Variants in KCNQ1 observed in about 807,000 individuals in gnomAD.
The protein encoded by KCNQ1 is potassium voltage-gated channel subfamily Q member 1, also known as potassium voltage-gated channel subfamily KQT member 1.
A neutral mutation model predicts 72.4 loss-of-function variants in KCNQ1; 49 were observed. The observed-to-expected ratio is 0.68, with a 90% CI of 0.54 to 0.86. KCNQ1 has a LOEUF of 0.86. Among genes scored for constraint, KCNQ1 ranks in the 40% least tolerant of loss-of-function variants. The probability of loss-of-function intolerance (pLI) is 0.00; values close to 1 mark genes in which losing one functional copy is unlikely to be tolerated. For synonymous variants in KCNQ1, 450 were observed against 412.6 expected, an observed-to-expected ratio of 1.09 and a Z score of -1.10; for missense variants, 790 against 945.1, an observed-to-expected ratio of 0.84 and a Z score of 2.15.
rs1030914953 is a variant in KCNQ1, at chr11:2,492,899, T to C, written c.387-35029T>C. On this transcript the variant is annotated intron_variant, in intron 1 of 15. Coordinates refer to ENST00000155840, the MANE Select transcript of KCNQ1 (RefSeq NM_000218.3). This position sits in a 1 kb window ranked among gnomAD's most constrained non-coding sequence, Gnocchi z 4.1. ...TGGGATTGCTGGGTCAAATGGTATTTCTAGTTCTAGAATCTAGTTCTAGAA... is the reference window on the plus strand; with the variant it reads ...TGGGATTGCTGGGTCAAATGGTATTCCTAGTTCTAGAATCTAGTTCTAGAA... 1.3e-5 allele frequency among the ~76,000 whole-genome samples: 2 copies of C among 152,204 alleles called. No homozygotes were observed. The highest frequency in any genetic ancestry group is 6.5e-5 in the Admixed American group (1 of 15,282).
rs1851033545 is a variant in KCNQ1 at position 2,713,159 on chromosome 11, G to A, written c.1514+51078G>A. 6.6e-6 allele frequency among the ~76,000 whole-genome samples: 1 copy of A among 152,276 alleles called. No homozygotes were observed. Among genetic ancestry groups the A allele is most frequent in the South Asian group, 2.1e-4 (1 of 4,824 alleles). On this transcript the variant is annotated intron_variant, in intron 11 of 15. Transcript: ENST00000155840. This position sits in a 1 kb window ranked among gnomAD's most constrained non-coding sequence, Gnocchi z 5.6. ...AAATGAGATCCCGGAGAGGGGCCAG[G>A]ACCATGCCTGGGATGTGGCTTCCGT...
At position 2,562,194 on chromosome 11, in the gene KCNQ1, G is replaced by A. The variant is rs1485977950; in HGVS notation, c.478-8434G>A. 1.3e-5 allele frequency among the ~76,000 whole-genome samples: 2 copies of A among 151,896 alleles called. No homozygotes were observed. The highest frequency in any genetic ancestry group is 1.3e-4 in the Admixed American group (2 of 15,272). On this transcript the variant is annotated intron_variant, in intron 2 of 15. Coordinates refer to ENST00000155840, the MANE Select transcript of KCNQ1 (RefSeq NM_000218.3). This position sits in a 1 kb window ranked among gnomAD's most constrained non-coding sequence, Gnocchi z 7.5. ...GGCCAGGCTACCTTGGGCGGGGTGG[G>A]GACTGGTACTCCCCGGGGGGTGGGG... is the stretch of plus-strand genomic sequence containing the variant.
rs568085407 is a variant in KCNQ1, at chr11:2,837,805, G to A, written c.1795-9962G>A. On this transcript the variant is annotated intron_variant, in intron 15 of 15. Coordinates refer to ENST00000155840, the MANE Select transcript of KCNQ1 (RefSeq NM_000218.3). ...CCTGAGGTAGGAACCAGAGGAAACC[G>A]GCTCTGGGGCGAGAAGGGCGGCGCC... 1.1e-3 allele frequency among the ~76,000 whole-genome samples: 172 copies of A among 152,358 alleles called. 1 individual carries two copies. The highest frequency in any genetic ancestry group is 2.1e-3 in the Admixed American group (32 of 15,312).
At chr11:2,660,590 G>C (rs1849933951) in intron 10 of KCNQ1, 1 of 398,492 alleles carries the variant, frequency 2.5e-6, no homozygotes. Flanking sequence ...AATTCTGCAA[G>C]AGGAAACCCA....
At chr11:2,519,620 A>AAAAAC (rs143712174) in intron 1 of KCNQ1, among the ~76,000 whole-genome samples, 2 of 150,756 alleles carry the variant, frequency 1.3e-5, no homozygotes, top group African/African-American at 4.9e-5. Context: ...ACTCTGTCTC[A>AAAAAC]AAAACAAAAC....
chr11:2,528,686 C>T (rs1393507151), intron 2 of KCNQ1, among the ~76,000 whole-genome samples: 2 of 152,242 alleles, frequency 1.3e-5, no homozygotes, highest in Non-Finnish European at 1.5e-5. Flanking sequence ...CTGGGTCTAG[C>T]ACCTCTCCGT....
intron 10 of KCNQ1, chr11:2,630,798 T>C: frequency 1.0e-5 from 4 of 398,498 alleles, no homozygotes; most frequent in Non-Finnish European, 1.3e-5. Context: ...AACTTTTGTT[T>C]ACCTGAGGAA....
Position 2,652,880 on chromosome 11 carries a change from T to C in KCNQ1, c.1394-9081T>C. The C allele has an allele frequency of 2.5e-6, 1 of 398,624 alleles. No individual in the cohort carries two copies. The highest frequency in any genetic ancestry group is 4.4e-6 in the Non-Finnish European group (1 of 226,106). The allele number at this position is 398,624 out of a possible 1,614,324, so 24.7% of individuals were successfully genotyped here. ...TATACTTATTCTAAGGAGAAGTGTT[T>C]GGGGTGTGGGGTGTGGTCCTCAGTA... is the stretch of plus-strand genomic sequence containing the variant. On this transcript the variant is annotated intron_variant, in intron 10 of 15. Transcript: ENST00000155840. This position sits in a 1 kb window ranked among gnomAD's most constrained non-coding sequence, Gnocchi z 5.9.
chr11:2,585,381 C>G (rs1487522323), intron 8 of KCNQ1, 74 bp downstream of exon 8: 1 of 1,310,988 alleles, frequency 7.6e-7, no homozygotes, highest in African/African-American at 1.4e-5. Context: ...TCACGGCCAC[C>G]TGTCAGAACC....
rs1000383824 is a variant in KCNQ1, at chr11:2,624,987, A to G, written c.1393+36133A>G. 2.5e-6 allele frequency: 1 copy of G among 398,524 alleles called. No homozygotes were observed. Among genetic ancestry groups the G allele is most frequent in the Non-Finnish European group, 4.4e-6 (1 of 226,048 alleles). The allele number at this position is 398,524 out of a possible 1,614,324, so 24.7% of individuals were successfully genotyped here. A position where few individuals can be genotyped will look rare whatever the true frequency, so the allele number is the denominator to read the frequency against. On this transcript the variant is annotated intron_variant, in intron 10 of 15. Transcript: ENST00000155840. This position sits in a 1 kb window ranked among gnomAD's most constrained non-coding sequence, Gnocchi z 4.9. ...CCACATTTTGCTTATCCATTCTTCC[A>G]TGGACATTTGGGTTGCATTGATGTT...
At position 2,682,784 on chromosome 11, in the gene KCNQ1, G is replaced by T; in HGVS notation, c.1514+20703G>T. On this transcript the variant is annotated intron_variant, in intron 11 of 15. Coordinates refer to ENST00000155840, the MANE Select transcript of KCNQ1 (RefSeq NM_000218.3). This position sits in a 1 kb window ranked among gnomAD's most constrained non-coding sequence, Gnocchi z 5.8. ...ATTCTAGAAATGCAGGGAAATCTGG[G>T]CACCATGAAATGCAGTGACTTGCAG... The T allele has an allele frequency of 2.5e-6, 1 of 398,642 alleles. No homozygotes were observed. Among genetic ancestry groups the T allele is most frequent in the Non-Finnish European group, 4.4e-6 (1 of 226,090 alleles). 24.7% of individuals were successfully genotyped at this position (398,642 alleles called of 1,614,324 possible). A position where few individuals can be genotyped will look rare whatever the true frequency, so the allele number is the denominator to read the frequency against.
At chr11:2,737,794 G>A (rs566576674) in intron 11 of KCNQ1, among the ~76,000 whole-genome samples, 4 of 152,192 alleles carry the variant, frequency 2.6e-5, no homozygotes, top group East Asian at 1.9e-4. Flanking sequence ...AGCAGGGTGC[G>A]ACCGTCACAG....
chr11:2,582,781 C>T (rs929098879), intron 6 of KCNQ1, among the ~76,000 whole-genome samples: 3 of 152,220 alleles, frequency 2.0e-5, no homozygotes, highest in Non-Finnish European at 4.4e-5. Context: ...TAGGCTCCTA[C>T]GTCCTGCAGA....
Position 2,617,292 on chromosome 11 carries a change from C to A in KCNQ1, c.1393+28438C>A. On this transcript the variant is annotated intron_variant, in intron 10 of 15. Coordinates refer to ENST00000155840, the MANE Select transcript of KCNQ1 (RefSeq NM_000218.3). This position sits in a 1 kb window ranked among gnomAD's most constrained non-coding sequence, Gnocchi z 4.6. ...CTATCTCTGTATATTTGACTTTTTT[C>A]TTTTTAAGATTCTACATATAGGTGA... 1 of 398,196 alleles carries A rather than the reference C, an allele frequency of 2.5e-6. No individual in the cohort carries two copies. The highest frequency in any genetic ancestry group is 4.4e-6 in the Non-Finnish European group (1 of 225,782). The allele number at this position is 398,196 out of a possible 1,614,324, so 24.7% of individuals were successfully genotyped here. A position where few individuals can be genotyped will look rare whatever the true frequency, so the allele number is the denominator to read the frequency against.
chr11:2,780,498 C>T (rs1846804487), intron 15 of KCNQ1, among the ~76,000 whole-genome samples: 1 of 152,220 alleles, frequency 6.6e-6, no homozygotes, highest in Non-Finnish European at 1.5e-5. Context: ...TCCCTACCAG[C>T]ACCCTCCCCC....
intron 12 of KCNQ1, among the ~76,000 whole-genome samples, chr11:2,775,694 C>T (rs781253847): frequency 6.6e-6 from 1 of 152,176 alleles, no homozygotes; most frequent in Non-Finnish European, 1.5e-5. Flanking sequence ...GAGGAGACAG[C>T]AGGCCCCTGC....
In KCNQ1 at chr11:2,750,916, G is replaced by T. The variant is rs1846216220; in HGVS notation, c.1515-17928G>T. ...CAGGATTTAAACGGGGTCCTCCCCA[G>T]CTGCCTGCCTACACCCCAACCTCGA... On this transcript the variant is annotated intron_variant, in intron 11 of 15. Transcript: ENST00000155840. The surrounding 1 kb of genome is among the most constrained non-coding windows in gnomAD (Gnocchi z 6.3). Among the ~76,000 whole-genome samples, 1 of 152,162 alleles carries T rather than the reference G, an allele frequency of 6.6e-6. No homozygotes were observed. Among genetic ancestry groups the T allele is most frequent in the South Asian group, 2.1e-4 (1 of 4,826 alleles).
At chr11:2,675,362 G>A (rs1850275181) in intron 11 of KCNQ1, 2 of 398,548 alleles carry the variant, frequency 5.0e-6, no homozygotes, top group Non-Finnish European at 8.8e-6. Context: ...TAAAACACGT[G>A]TGTGCATTAG....
chr11:2,700,336 G>A (rs1470091917), intron 11 of KCNQ1, among the ~76,000 whole-genome samples: 2 of 152,128 alleles, frequency 1.3e-5, no homozygotes, highest in African/African-American at 4.8e-5. Context: ...GCCGGGGTGA[G>A]CTGGAGACAC....
Sources: gnomAD v4.1 joint callset for allele counts (sites outside exome capture counted in the v4.1 genomes callset) on GRCh38, gnomAD v4.1.1 for gene constraint, Gnocchi (gnomAD v3.1) non-coding constraint, MANE v1.5 for transcripts, NCBI Gene and HGNC (gene_info 2026-07-23, HGNC 2026-07-21) for gene names.